SUDS3: variants seen among roughly 807,000 people sequenced by gnomAD.
The protein encoded by SUDS3 is sin3 histone deacetylase corepressor complex component SDS3.
SUDS3 carries 23 observed loss-of-function variants against 53.5 expected under a neutral mutation model. The observed-to-expected ratio is 0.43, with a 90% confidence interval of 0.31 to 0.61. The LOEUF is 0.61. SUDS3 is among the 20% of genes least tolerant of loss of function. SUDS3 has a pLI of 0.10. For synonymous variants in SUDS3, 150 were observed against 148.5 expected (o/e 1.01, Z -0.08); for missense variants, 291 against 405.9 (o/e 0.72, Z 2.43).
rs192889379 is a variant in SUDS3 at position 118,415,612 on chromosome 12, T to C, written c.*1179T>C. Reference sequence around the variant, plus strand: ...TGAGTGTTGGGGTTTTCTATACTCATGTTGCCATCTTGAGATGTTCAAAAA... The same window carrying C: ...TGAGTGTTGGGGTTTTCTATACTCACGTTGCCATCTTGAGATGTTCAAAAA... On this transcript the variant is annotated 3_prime_UTR_variant, in exon 12 of 12. Coordinates refer to ENST00000543473, the MANE Select transcript of SUDS3 (RefSeq NM_022491.3). 5 of 152,174 alleles carry C rather than the reference T, an allele frequency of 3.3e-5. No individual in the cohort carries two copies. The highest frequency in any genetic ancestry group is 4.8e-5 in the African/African-American group (2 of 41,448). The allele number at this position is 152,174 out of a possible 1,614,324, so 9.4% of individuals were successfully genotyped here. A position where few individuals can be genotyped will look rare whatever the true frequency, so the allele number is the denominator to read the frequency against.
chr12:118,382,699 G>C (rs557814627), intron 2 of SUDS3, among the ~76,000 whole-genome samples: 1 of 143,790 alleles, frequency 7.0e-6, no homozygotes, highest in Non-Finnish European at 1.5e-5. Flanking sequence ...ACAGGGTCTT[G>C]CTCTGTCGCC....
intron 6 of SUDS3, among the ~76,000 whole-genome samples, chr12:118,396,905 G>A (rs2046220904): frequency 6.6e-6 from 1 of 152,168 alleles, no homozygotes; most frequent in Non-Finnish European, 1.5e-5. Flanking sequence ...TGAGGGGTGA[G>A]GGGGTTCCTG....
intron 6 of SUDS3, among the ~76,000 whole-genome samples, chr12:118,398,614 C>CT (rs375288763): frequency 0.37 from 41,462 of 113,108 alleles, 8,281 homozygotes; most frequent in Non-Finnish European, 0.41. Context: ...ATGCAGAAGC[C>CT]TTTTTTTTTT....
intron 6 of SUDS3, among the ~76,000 whole-genome samples, chr12:118,393,801 G>C (rs2141373333): frequency 6.6e-6 from 1 of 152,058 alleles, no homozygotes; most frequent in African/African-American, 2.4e-5. Context: ...CTCCCAAGTA[G>C]GTGGGATTAC....
intron 10 of SUDS3, among the ~76,000 whole-genome samples, chr12:118,409,233 C>T (rs537169785): frequency 9.2e-5 from 14 of 151,804 alleles, no homozygotes; most frequent in South Asian, 6.2e-4. Flanking sequence ...CTGCAAGCTC[C>T]GCCTCCGGGG....
chr12:118,406,453 G>A (rs1015496322), intron 10 of SUDS3, among the ~76,000 whole-genome samples: 3 of 152,070 alleles, frequency 2.0e-5, no homozygotes, highest in Non-Finnish European at 4.4e-5. Context: ...CTACCTCCTC[G>A]CCCCACTTTT....
At chr12:118,397,203 T>C in intron 6 of SUDS3, among the ~76,000 whole-genome samples, 1 of 152,164 alleles carries the variant, frequency 6.6e-6, no homozygotes, top group African/African-American at 2.4e-5. Context: ...GAAGCCTGAC[T>C]GAATCCCTGC....
In SUDS3 at chr12:118,415,031, G is replaced by C. The variant is rs1259591571; in HGVS notation, c.*598G>C. ...CCATCCATTCCGCTCGCTGAGCGAT[G>C]GAAAAGCTTGCCTGGAAGACTATGT... On this transcript the variant is annotated 3_prime_UTR_variant, in exon 12 of 12. Transcript: ENST00000543473. The C allele has an allele frequency of 6.6e-6, 1 of 152,260 alleles. No homozygotes were observed. Among genetic ancestry groups the C allele is most frequent in the African/African-American group, 2.4e-5 (1 of 41,460 alleles). 9.4% of individuals were successfully genotyped at this position (152,260 alleles called of 1,614,324 possible).
rs771196893 is a variant in SUDS3 at position 118,386,196 on chromosome 12, T to A, written c.340+11T>A. The stretch of plus-strand genomic sequence containing the variant: ...GGATACGGAATGCAGGTAAGGCTCC[T>A]TTAAATGGCAATGAATCATCTTTCA... On this transcript the variant is annotated intron_variant, in intron 4 of 11. Transcript: ENST00000543473. The A allele has an allele frequency of 6.3e-7, 1 of 1,585,748 alleles. No individual in the cohort carries two copies. Among genetic ancestry groups the A allele is most frequent in the Non-Finnish European group, 8.6e-7 (1 of 1,164,018 alleles).
chr12:118,385,090 C>G (rs2046102896), intron 3 of SUDS3, among the ~76,000 whole-genome samples: 1 of 151,656 alleles, frequency 6.6e-6, no homozygotes, highest in African/African-American at 2.4e-5. Context: ...GTCCCCTTGT[C>G]AGTGAAACTG....
chr12:118,410,257 C>T (rs1476034671), intron 10 of SUDS3, among the ~76,000 whole-genome samples: 1 of 152,076 alleles, frequency 6.6e-6, no homozygotes, highest in Non-Finnish European at 1.5e-5. Flanking sequence ...GTCAGCCTTC[C>T]TTCTTGTTGG....
chr12:118,392,199 T>C (rs942927457), intron 6 of SUDS3, among the ~76,000 whole-genome samples: 13 of 152,238 alleles, frequency 8.5e-5, no homozygotes, highest in African/African-American at 2.4e-4. Context: ...CGGAAAGTGC[T>C]GGGGCTCTGG....
chr12:118,377,011 C>T (rs1285683269), intron 1 of SUDS3, among the ~76,000 whole-genome samples, 178 bp downstream of exon 1: 1 of 152,110 alleles, frequency 6.6e-6, no homozygotes, highest in Non-Finnish European at 1.5e-5. Context: ...AGCGGGGAAG[C>T]CCTGGGTGCG....
chr12:118,384,440 A>G (rs1305384474), intron 3 of SUDS3, among the ~76,000 whole-genome samples: 1 of 152,222 alleles, frequency 6.6e-6, no homozygotes, highest in Non-Finnish European at 1.5e-5. Flanking sequence ...TGGATTATTC[A>G]CACTGTGTTT....
rs1442492517 is a variant in SUDS3, at chr12:118,391,254, T to A, written c.489T>A (p.Asn163Lys). The A allele has an allele frequency of 6.2e-7, 1 of 1,612,462 alleles. No homozygotes were observed. Among genetic ancestry groups the A allele is most frequent in the African/African-American group, 1.3e-5 (1 of 74,580 alleles). The change falls in exon 6 of 12, where the codon AAT (asparagine) becomes AAA (lysine). Residue 163 changes from asparagine (N) to lysine (K), a missense_variant. Asn to Lys is a moderately conservative substitution (Grantham distance 94). This residue lies in a region of SUDS3 where 55 missense variants were observed against 124.2 expected (regional missense o/e 0.44). Transcript: ENST00000543473. ...AAGAAAAGAAGAAAATGATTGAAAA[T>A]GAAAAGCTGACAATGGAACTGACTG... ...ELEEKKKMIE[N>K]EKLTMELTGD...
At chr12:118,408,190 C>T (rs1385316692) in intron 10 of SUDS3, among the ~76,000 whole-genome samples, 3 of 152,040 alleles carry the variant, frequency 2.0e-5, no homozygotes, top group East Asian at 1.9e-4. Context: ...TAAGCCACTA[C>T]GCCTGGCCAA....
chr12:118,404,027 C>T (rs2046288220), intron 10 of SUDS3: 1 of 153,020 alleles, frequency 6.5e-6, no homozygotes, highest in Non-Finnish European at 1.5e-5. Flanking sequence ...TTTTTGATGA[C>T]ACATACCCTT....
chr12:118,385,764 C>T (rs2046109591), intron 3 of SUDS3, among the ~76,000 whole-genome samples: 1 of 152,200 alleles, frequency 6.6e-6, no homozygotes, highest in Non-Finnish European at 1.5e-5. Flanking sequence ...TACTGGAGAG[C>T]GTTGACCTAG....
intron 6 of SUDS3, among the ~76,000 whole-genome samples, chr12:118,396,930 C>T (rs2046221162): frequency 6.6e-6 from 1 of 152,088 alleles, no homozygotes; most frequent in Non-Finnish European, 1.5e-5. Context: ...CATCAGGTTT[C>T]CTAGTGAGTA....
Sources: allele counts gnomAD v4.1 joint callset (sites outside exome capture counted in the v4.1 genomes callset), GRCh38; gene constraint gnomAD v4.1.1; regional missense constraint gnomAD v4.1.1; transcripts MANE v1.5; gene names NCBI Gene and HGNC (gene_info 2026-07-23, HGNC 2026-07-21).